FAM174B: variants seen among roughly 807,000 people sequenced by gnomAD.
FAM174B encodes membrane protein FAM174B.
Under a neutral mutation model 10.9 loss-of-function variants are expected in FAM174B, and 12 were observed. The observed-to-expected ratio is 1.10, with a 90% CI of 0.71 to 1.79. FAM174B has a LOEUF of 1.79. Ranked by LOEUF, FAM174B falls within the 40% of genes most tolerant of loss-of-function variation. FAM174B has a pLI of 0.00. For synonymous variants in FAM174B, 132 were observed against 115.8 expected (o/e 1.14, Z -0.90); for missense variants, 266 against 233.3 (o/e 1.14, Z -0.91).
In FAM174B at chr15:92,655,654, G is replaced by A; in HGVS notation, c.6C>T (p.Arg2=). The stretch of plus-strand genomic sequence containing the variant: ...GGAGCGGGGCGGGCAGCGGCACGGC[G>A]CGCATAGTGCGGTGGGTCGGCACAG... The part of the protein sequence containing the change: M[R]AVPLPAPLLP... Residue 2 remains arginine (R), a synonymous_variant, in exon 1 of 3, where the codon CGC becomes CGT. Coordinates refer to ENST00000327355, the MANE Select transcript of FAM174B (RefSeq NM_207446.3). The A allele has an allele frequency of 3.2e-6, 4 of 1,256,696 alleles. No homozygotes were observed. Among genetic ancestry groups the A allele is most frequent in the South Asian group, 6.7e-5 (2 of 29,684 alleles). The allele number at this position is 1,256,696 out of a possible 1,614,324, so 77.8% of individuals were successfully genotyped here.
intron 1 of FAM174B, among the ~76,000 whole-genome samples, chr15:92,632,852 A>C (rs1309806006): frequency 1.3e-5 from 2 of 152,116 alleles, no homozygotes; most frequent in African/African-American, 4.8e-5. Context: ...TTAGGATGGT[A>C]GAGGGTCACT....
intron 1 of FAM174B, 41 bp from the exon 2 acceptor site, chr15:92,630,386 GAGAA>G (rs1275624867): frequency 2.5e-6 from 4 of 1,570,998 alleles, no homozygotes; most frequent in Non-Finnish European, 3.5e-6. Context: ...ACAGCTGGGA[GAGAA>G]AGAGTCACTG....
chr15:92,628,661 G>C (rs1311555205), intron 2 of FAM174B, among the ~76,000 whole-genome samples: 4 of 152,014 alleles, frequency 2.6e-5, no homozygotes, highest in Admixed American at 2.0e-4. Flanking sequence ...CTCCCATTCT[G>C]TTATCCATAA....
Position 92,637,431 on chromosome 15 carries a change from C to T in FAM174B, c.345-7086G>A, listed in dbSNP as rs919989837. On this transcript the variant is annotated intron_variant, in intron 1 of 2. Transcript: ENST00000327355. ...TACTCTCTCTTTCACCAAAGCCAGC[C>T]GGGGCCAGGTTTTCTGTCACACACA... 4.6e-5 allele frequency among the ~76,000 whole-genome samples: 7 copies of T among 152,230 alleles called. No individual in the cohort carries two copies. The East Asian group carries it at 9.6e-4, about 21-fold the overall frequency.
chr15:92,619,201 G>A lies in FAM174B; in HGVS notation c.*255C>T, dbSNP rs1270622199. The A allele has an allele frequency of 4.3e-6, 3 of 702,794 alleles. No individual in the cohort carries two copies. Among genetic ancestry groups the A allele is most frequent in the South Asian group, 1.5e-5 (1 of 67,590 alleles). The allele number at this position is 702,794 out of a possible 1,614,324, so 43.5% of individuals were successfully genotyped here. A position where few individuals can be genotyped will look rare whatever the true frequency, so the allele number is the denominator to read the frequency against. Reference sequence around the variant, plus strand: ...AGGCACAAAGCCTCTTACATGGGGAGTAGAAGTAGGGGGCACTTTAAAGGG... The same window carrying A: ...AGGCACAAAGCCTCTTACATGGGGAATAGAAGTAGGGGGCACTTTAAAGGG... On this transcript the variant is annotated 3_prime_UTR_variant, in exon 3 of 3. Coordinates refer to ENST00000327355, the MANE Select transcript of FAM174B (RefSeq NM_207446.3).
chr15:92,638,192 A>C (rs1360475035), intron 1 of FAM174B, among the ~76,000 whole-genome samples: 1 of 152,202 alleles, frequency 6.6e-6, no homozygotes, highest in Non-Finnish European at 1.5e-5. Context: ...TTAATAAATA[A>C]ATGTCCATAT....
intron 1 of FAM174B, among the ~76,000 whole-genome samples, chr15:92,650,873 AG>A (rs766590961): frequency 1.4e-4 from 21 of 152,306 alleles, no homozygotes; most frequent in Admixed American, 1.1e-3. Context: ...AGGTACCTGT[AG>A]GACCACTCTC....
intron 1 of FAM174B, among the ~76,000 whole-genome samples, chr15:92,641,467 T>TA (rs2050891258): frequency 6.6e-6 from 1 of 152,218 alleles, no homozygotes; most frequent in South Asian, 2.1e-4. Flanking sequence ...TAATGAACAC[T>TA]AAGCACCTAT....
At chr15:92,651,875 T>G (rs1244985834) in intron 1 of FAM174B, among the ~76,000 whole-genome samples, 1 of 152,188 alleles carries the variant, frequency 6.6e-6, no homozygotes, top group Non-Finnish European at 1.5e-5. Context: ...GACACATTCT[T>G]TGCTTCTAAT....
chr15:92,631,349 AAT>A (rs1567045356), intron 1 of FAM174B, among the ~76,000 whole-genome samples: 1 of 10,080 alleles, frequency 9.9e-5, no homozygotes, highest in Non-Finnish European at 1.4e-4. Context: ...TATTATATAT[AAT>A]ATATTATATA....
intron 1 of FAM174B, among the ~76,000 whole-genome samples, chr15:92,644,855 A>G (rs970212205): frequency 6.6e-6 from 1 of 152,248 alleles, no homozygotes; most frequent in Non-Finnish European, 1.5e-5. Context: ...CTGCCCCGGA[A>G]CAGAGGTCTT....
At chr15:92,629,537 C>T (rs182534774) in intron 2 of FAM174B, among the ~76,000 whole-genome samples, 417 of 152,326 alleles carry the variant, frequency 2.7e-3, no homozygotes, top group Non-Finnish European at 4.4e-3. Flanking sequence ...GTGGCACACA[C>T]GGCTGCTTGG....
chr15:92,619,395 C>T lies in FAM174B; in HGVS notation c.*61G>A, dbSNP rs754210306. ...AAGAGGGCTTCCAGGTCCAGTCCTTCACACCCCAGGTTGCAGCTGACCAAC... is the reference window on the plus strand; with the variant it reads ...AAGAGGGCTTCCAGGTCCAGTCCTTTACACCCCAGGTTGCAGCTGACCAAC... On this transcript the variant is annotated 3_prime_UTR_variant, in exon 3 of 3. Transcript: ENST00000327355. 3 of 1,609,478 alleles carry T rather than the reference C, an allele frequency of 1.9e-6. No individual in the cohort carries two copies. The highest frequency in any genetic ancestry group is 2.2e-5 in the South Asian group (2 of 90,912).
At chr15:92,638,580 G>A (rs2050870654) in intron 1 of FAM174B, among the ~76,000 whole-genome samples, 1 of 152,182 alleles carries the variant, frequency 6.6e-6, no homozygotes, top group Non-Finnish European at 1.5e-5. Context: ...TCAAAGTGCA[G>A]CGACTGAGGT....
At chr15:92,648,686 C>T (rs1399434664) in intron 1 of FAM174B, among the ~76,000 whole-genome samples, 4 of 151,936 alleles carry the variant, frequency 2.6e-5, no homozygotes, top group African/African-American at 7.3e-5. Context: ...TGCAAAGAAA[C>T]GCCTACCTGA....
At chr15:92,622,113 T>A (rs868003403) in intron 2 of FAM174B, among the ~76,000 whole-genome samples, 1 of 152,218 alleles carries the variant, frequency 6.6e-6, no homozygotes, top group Non-Finnish European at 1.5e-5. Flanking sequence ...TCTGTACCGC[T>A]GCCATGCTGA....
intron 1 of FAM174B, chr15:92,634,460 T>C (rs1333722233): frequency 6.6e-6 from 1 of 152,182 alleles, no homozygotes; most frequent in Non-Finnish European, 1.5e-5. Context: ...ACTTTCCTTC[T>C]CTATAATCTT....
chr15:92,645,415 G>A (rs2050920001), intron 1 of FAM174B: 1 of 152,276 alleles, frequency 6.6e-6, no homozygotes, highest in South Asian at 2.1e-4. Flanking sequence ...CAAGTCTTCA[G>A]GTTTTTCTTC....
At chr15:92,645,136 A>ATT (rs1358363164) in intron 1 of FAM174B, among the ~76,000 whole-genome samples, 2 of 152,244 alleles carry the variant, frequency 1.3e-5, no homozygotes, top group Non-Finnish European at 1.5e-5. Context: ...GCCCAGAGAG[A>ATT]TGTAATGATA....
Sources: allele counts gnomAD v4.1 joint callset (sites outside exome capture counted in the v4.1 genomes callset), GRCh38; gene constraint gnomAD v4.1.1; transcripts MANE v1.5; gene names NCBI Gene and HGNC (gene_info 2026-07-23, HGNC 2026-07-21).